ADAM12: variants seen among roughly 807,000 people sequenced by gnomAD.
ADAM12 encodes the protein ADAM metallopeptidase domain 12.
In ADAM12, 70 loss-of-function variants were observed where a neutral mutation model predicts 106.4. The ratio of observed to expected loss-of-function variants is 0.66; its 90% CI spans 0.54 to 0.80. The LOEUF (loss-of-function observed/expected upper bound fraction) is 0.80, where lower values mean the gene tolerates loss of function less well. Among genes scored for constraint, ADAM12 ranks in the 30% least tolerant of loss-of-function variants. ADAM12 has a pLI of 0.00. For missense variants in ADAM12, 1,010 were observed against 1,171.9 expected, an observed-to-expected ratio of 0.86 and a Z score of 2.02; for synonymous variants, 420 against 433.5, an observed-to-expected ratio of 0.97 and a Z score of 0.39.
At chr10:126,133,884 C>T (rs996808003) in intron 5 of ADAM12, among the ~76,000 whole-genome samples, 1 of 152,176 alleles carries the variant, frequency 6.6e-6, no homozygotes. Flanking sequence ...CTCACCTCAC[C>T]TCCTTCCGAA....
intron 1 of ADAM12, among the ~76,000 whole-genome samples, chr10:126,380,752 A>G (rs1856460334): frequency 6.6e-6 from 1 of 152,272 alleles, no homozygotes; most frequent in Non-Finnish European, 1.5e-5. Flanking sequence ...TCCAGCCCAG[A>G]GACCTGACAA....
At position 126,159,307 on chromosome 10, in the gene ADAM12, CAAAAAA is replaced by C. The variant is rs3069557; in HGVS notation, c.261-4008_261-4003del. The stretch of plus-strand genomic sequence containing the variant: ...CCTGGGCAACAGAGCGAGACTCCAT[CAAAAAA>C]AAAAAAAAAAAAAAAAAAGGAGCAC... On this transcript the variant is annotated intron_variant, in intron 3 of 22. Transcript: ENST00000448723. 2.1e-3 allele frequency among the ~76,000 whole-genome samples: 169 copies of C among 80,588 alleles called. 1 individual carries two copies. Among genetic ancestry groups the C allele is most frequent in the South Asian group, 0.011 (30 of 2,652 alleles). The allele number at this position is 80,588 out of a possible 152,430, so 52.9% of individuals were successfully genotyped here.
At chr10:126,128,770 CAT>C (rs1956250929) in intron 5 of ADAM12, among the ~76,000 whole-genome samples, 2 of 90,666 alleles carry the variant, frequency 2.2e-5, no homozygotes, top group Non-Finnish European at 5.0e-5. Context: ...GGCGCCTGCC[CAT>C]GTGAGTGTGT....
At chr10:126,297,369 C>T (rs1397528315) in intron 2 of ADAM12, among the ~76,000 whole-genome samples, 1 of 152,140 alleles carries the variant, frequency 6.6e-6, no homozygotes, top group Non-Finnish European at 1.5e-5. Context: ...ATAGCAAAAA[C>T]CCATCTCTAC....
chr10:126,335,366 T>C (rs568932140), intron 1 of ADAM12, among the ~76,000 whole-genome samples: 3 of 152,324 alleles, frequency 2.0e-5, no homozygotes, highest in Non-Finnish European at 4.4e-5. Context: ...AAAAGTAGAA[T>C]TAAGATAAAC....
intron 11 of ADAM12, among the ~76,000 whole-genome samples, chr10:126,079,911 G>A (rs888248912): frequency 3.3e-5 from 5 of 152,194 alleles, no homozygotes; most frequent in Non-Finnish European, 7.3e-5. Flanking sequence ...ACTTAGCCAT[G>A]CCAGAGAGAG....
intron 1 of ADAM12, among the ~76,000 whole-genome samples, chr10:126,339,501 G>A (rs770276065): frequency 2.0e-5 from 3 of 152,064 alleles, no homozygotes; most frequent in African/African-American, 4.8e-5. Flanking sequence ...TTGTTCTTTT[G>A]TCTTCTAAAA....
At chr10:126,069,763 G>C (rs903955349) in intron 12 of ADAM12, among the ~76,000 whole-genome samples, 3 of 152,128 alleles carry the variant, frequency 2.0e-5, no homozygotes, top group African/African-American at 7.2e-5. Flanking sequence ...GATGGTGAGG[G>C]CTGTAGTGAT....
intron 3 of ADAM12, among the ~76,000 whole-genome samples, chr10:126,165,106 T>A (rs867463205): frequency 6.6e-6 from 1 of 152,158 alleles, no homozygotes; most frequent in East Asian, 1.9e-4. Context: ...CTTGCCCTCA[T>A]CATCTTGCCA....
intron 3 of ADAM12, among the ~76,000 whole-genome samples, chr10:126,242,367 T>C (rs112644092): frequency 6.6e-6 from 1 of 152,256 alleles, no homozygotes; most frequent in Non-Finnish European, 1.5e-5. Context: ...GGGAATAGAA[T>C]TGTATTTATG....
At chr10:126,331,328 C>T (rs1362276307) in intron 1 of ADAM12, among the ~76,000 whole-genome samples, 1 of 152,080 alleles carries the variant, frequency 6.6e-6, no homozygotes, top group African/African-American at 2.4e-5. Context: ...GACCAGATTC[C>T]CTCACATGTT....
At chr10:126,244,189 T>C (rs1027420736) in intron 3 of ADAM12, among the ~76,000 whole-genome samples, 4 of 152,208 alleles carry the variant, frequency 2.6e-5, no homozygotes, top group Admixed American at 1.3e-4. Flanking sequence ...ATGGGCAAAG[T>C]ATGAATCCAA....
chr10:126,100,979 A>T (rs958305125), intron 9 of ADAM12, 93 bp downstream of exon 9: 1 of 1,397,816 alleles, frequency 7.2e-7, no homozygotes, highest in African/African-American at 1.4e-5. Context: ...GCTCTGCAGA[A>T]AGGTGGCAGC....
chr10:126,274,272 G>A (rs530349975), intron 3 of ADAM12, among the ~76,000 whole-genome samples: 5 of 152,174 alleles, frequency 3.3e-5, no homozygotes, highest in Non-Finnish European at 5.9e-5. Flanking sequence ...GGCTTGCAAC[G>A]GCGAAGGATG....
At position 126,135,615 on chromosome 10, in the gene ADAM12, C is replaced by G. The variant is rs1956391082; in HGVS notation, c.385G>C (p.Ala129Pro). Reference sequence around the variant, plus strand: ...CCAGAACACGTGCTGAGACTGACTGCTGAATCAGAATATCCCCGTACATGT... The same window carrying G: ...CCAGAACACGTGCTGAGACTGACTGGTGAATCAGAATATCCCCGTACATGT... ...HGHVRGYSDSAVSLSTCSGLR... is the reference protein window; with the variant it reads ...HGHVRGYSDSPVSLSTCSGLR... Residue 129 changes from alanine to proline, a missense_variant, in exon 5 of 23, where the codon GCA becomes CCA. Coordinates refer to ENST00000448723, the MANE Select transcript of ADAM12 (RefSeq NM_001288973.2). 1 of 1,614,084 alleles carries G rather than the reference C, an allele frequency of 6.2e-7. No homozygotes were observed. Among genetic ancestry groups the G allele is most frequent in the Non-Finnish European group, 8.5e-7 (1 of 1,180,022 alleles).
chr10:126,276,497 A>G (rs1394446941), intron 3 of ADAM12, among the ~76,000 whole-genome samples: 2 of 152,208 alleles, frequency 1.3e-5, no homozygotes, highest in Non-Finnish European at 2.9e-5. Context: ...CGTCAAAGGT[A>G]TAGTTAATTT....
intron 3 of ADAM12, among the ~76,000 whole-genome samples, chr10:126,223,011 G>A (rs957712611): frequency 1.3e-5 from 2 of 152,190 alleles, no homozygotes; most frequent in African/African-American, 2.4e-5. Context: ...TTGTTCCTGC[G>A]TTCTTTGGAG....
chr10:126,369,122 T>C (rs1410423026), intron 1 of ADAM12, among the ~76,000 whole-genome samples: 1 of 152,170 alleles, frequency 6.6e-6, no homozygotes, highest in South Asian at 2.1e-4. Flanking sequence ...TACATGGTAT[T>C]TTTTTTCAAA....
rs142368070 is a variant in ADAM12 at position 126,328,349 on chromosome 10, A to C, written c.186+2063T>G. Among the ~76,000 whole-genome samples the C allele has an allele frequency of 8.9e-4, 135 of 152,354 alleles. 2 individuals are homozygous for C. The highest frequency in any genetic ancestry group is 1.6e-3 in the Non-Finnish European group (106 of 68,032). On this transcript the variant is annotated intron_variant, in intron 2 of 22. Coordinates refer to ENST00000448723, the MANE Select transcript of ADAM12 (RefSeq NM_001288973.2). ...ACAGCAGGCACCGTTGTTCTGCAAA[A>C]ATATTCTTCACGTGAGTATGTTTTG... is the stretch of plus-strand genomic sequence containing the variant.
Sources: allele counts gnomAD v4.1 joint callset (sites outside exome capture counted in the v4.1 genomes callset), GRCh38; gene constraint gnomAD v4.1.1; transcripts MANE v1.5; gene names NCBI Gene and HGNC (gene_info 2026-07-23, HGNC 2026-07-21).